The following ZFHX4 variants were observed in gnomAD, a reference collection of about 807,000 sequenced individuals.
The protein encoded by ZFHX4 is zinc finger homeobox 4.
Under a neutral mutation model 267.6 loss-of-function variants are expected in ZFHX4, and 56 were observed. That is an observed-to-expected ratio of 0.21 (90% confidence interval 0.17 to 0.26). ZFHX4 has a LOEUF of 0.26. Ranked by LOEUF, ZFHX4 falls within the 10% of genes least tolerant of loss-of-function variation. The pLI is 1.00. For synonymous variants in ZFHX4, 1,778 were observed against 1,665.6 expected (o/e 1.07, Z -1.64); for missense variants, 4,332 against 4,420.0 (o/e 0.98, Z 0.56).
intron 3 of ZFHX4, among the ~76,000 whole-genome samples, chr8:76,714,475 A>T (rs1057113322): frequency 3.9e-5 from 6 of 152,178 alleles, no homozygotes; most frequent in Admixed American, 6.5e-5. Context: ...TTATCAGCCT[A>T]TTCCAGGAGA....
chr8:76,717,515 C>G (rs752692396), intron 3 of ZFHX4, among the ~76,000 whole-genome samples: 2 of 152,202 alleles, frequency 1.3e-5, no homozygotes, highest in Non-Finnish European at 2.9e-5. Flanking sequence ...ATAGTTGTAG[C>G]TTGGCATAAC....
chr8:76,779,323 T>A (rs1408620243), intron 4 of ZFHX4, among the ~76,000 whole-genome samples: 1 of 152,172 alleles, frequency 6.6e-6, no homozygotes, highest in Non-Finnish European at 1.5e-5. Flanking sequence ...AGGAGACATA[T>A]TTACTCAGTA....
intron 3 of ZFHX4, among the ~76,000 whole-genome samples, chr8:76,753,557 CTT>C (rs907455537): frequency 6.6e-6 from 1 of 150,710 alleles, no homozygotes; most frequent in Non-Finnish European, 1.5e-5. Context: ...CTTTCCATCT[CTT>C]TTGTTTCTCT....
intron 4 of ZFHX4, among the ~76,000 whole-genome samples, chr8:76,820,034 C>T (rs758597146): frequency 5.3e-5 from 8 of 152,124 alleles, no homozygotes; most frequent in Non-Finnish European, 1.2e-4. Flanking sequence ...AGTTTATTCC[C>T]ACGTTACTTA....
intron 4 of ZFHX4, among the ~76,000 whole-genome samples, chr8:76,808,254 T>C (rs1384995386): frequency 6.6e-6 from 1 of 152,184 alleles, no homozygotes; most frequent in Non-Finnish European, 1.5e-5. Context: ...GTGCCATATC[T>C]AAACCACTTG....
At chr8:76,832,935 A>G (rs1014312130) in intron 4 of ZFHX4, among the ~76,000 whole-genome samples, 4 of 152,042 alleles carry the variant, frequency 2.6e-5, no homozygotes, top group African/African-American at 9.7e-5. Flanking sequence ...CAGTAATGAT[A>G]TTTTTTCTTT....
At chr8:76,738,129 G>T (rs913355811) in intron 3 of ZFHX4, among the ~76,000 whole-genome samples, 10 of 152,178 alleles carry the variant, frequency 6.6e-5, no homozygotes, top group African/African-American at 2.4e-4. Context: ...AGTGGCACTT[G>T]AGGTTATTTT....
intron 5 of ZFHX4, among the ~76,000 whole-genome samples, chr8:76,835,064 T>C (rs1432547735): frequency 6.6e-6 from 1 of 150,972 alleles, no homozygotes; most frequent in Non-Finnish European, 1.5e-5. Flanking sequence ...AAATTATAGG[T>C]TTTATACAAA....
intron 3 of ZFHX4, among the ~76,000 whole-genome samples, chr8:76,759,496 C>A (rs978415533): frequency 2.0e-5 from 3 of 152,162 alleles, no homozygotes; most frequent in Non-Finnish European, 2.9e-5. Flanking sequence ...AAATGATCTG[C>A]CCCCAGGCCA....
intron 3 of ZFHX4, among the ~76,000 whole-genome samples, chr8:76,747,926 C>G (rs986431611): frequency 1.4e-5 from 2 of 147,556 alleles, no homozygotes; most frequent in Non-Finnish European, 3.0e-5. Context: ...GAGCGAGGCT[C>G]TATCTCAAAA....
At chr8:76,714,402 A>G (rs1424840898) in intron 3 of ZFHX4, among the ~76,000 whole-genome samples, 1 of 152,116 alleles carries the variant, frequency 6.6e-6, no homozygotes, top group East Asian at 1.9e-4. Context: ...GACTTCCTGA[A>G]CTTTGCTGGA....
Position 76,850,975 on chromosome 8 carries a change from AAAG to A in ZFHX4, c.4057_4059del (p.Glu1353del), listed in dbSNP as rs748739588. 2.5e-5 allele frequency: 40 copies of A among 1,613,744 alleles called. No homozygotes were observed. Among genetic ancestry groups the A allele is most frequent in the Admixed American group, 3.3e-5 (2 of 60,004 alleles). ...AAAGAATGAGGAGCAGAAACCGACT[AAAG>A]AACCCTTGGAAGTCTCAGAATGGAA... On this transcript the variant is annotated inframe_deletion, in exon 10 of 11. Coordinates refer to ENST00000651372, the MANE Select transcript of ZFHX4 (RefSeq NM_024721.5).
In ZFHX4 at chr8:76,866,508, CT is replaced by C. The variant is rs991550298; in HGVS notation, c.*1949del. On this transcript the variant is annotated 3_prime_UTR_variant, in exon 11 of 11. Transcript: ENST00000651372. ...AACATTTATTTTAATCCTGAAGACACTTTTTTGATTGTGTTTCGTAAGAGAC... is the reference window on the plus strand; with the variant it reads ...AACATTTATTTTAATCCTGAAGACACTTTTTGATTGTGTTTCGTAAGAGAC... The C allele has an allele frequency of 1.3e-5, 2 of 150,638 alleles. No individual in the cohort carries two copies. Among genetic ancestry groups the C allele is most frequent in the African/African-American group, 4.9e-5 (2 of 40,802 alleles). 9.3% of individuals were successfully genotyped at this position (150,638 alleles called of 1,614,324 possible). A position where few individuals can be genotyped will look rare whatever the true frequency, so the allele number is the denominator to read the frequency against.
At chr8:76,769,137 A>G (rs1304464766) in intron 3 of ZFHX4, among the ~76,000 whole-genome samples, 2 of 152,060 alleles carry the variant, frequency 1.3e-5, no homozygotes. Context: ...TACTGAAGCT[A>G]AAAGAAGGGA....
chr8:76,856,748 C>G (rs538116879), intron 10 of ZFHX4, among the ~76,000 whole-genome samples: 21 of 152,094 alleles, frequency 1.4e-4, no homozygotes, highest in Admixed American at 1.0e-3. Context: ...GTTTGTCCCC[C>G]CCGCCGCCAC....
chr8:76,847,278 T>C (rs1812387638), intron 6 of ZFHX4, among the ~76,000 whole-genome samples: 1 of 152,166 alleles, frequency 6.6e-6, no homozygotes, highest in Non-Finnish European at 1.5e-5. Context: ...GACAAGGTAA[T>C]AGGAATTATG....
chr8:76,691,444 G>A lies in ZFHX4; in HGVS notation c.-47+9824G>A, dbSNP rs373390197. On this transcript the variant is annotated intron_variant, in intron 1 of 10. Transcript: ENST00000651372. Reference sequence around the variant, plus strand: ...AAGGAAAGGATATGAAGTCAAGGCTGTGATGTTTTGGAGGCAGCATAATGT... The same window carrying A: ...AAGGAAAGGATATGAAGTCAAGGCTATGATGTTTTGGAGGCAGCATAATGT... Among the ~76,000 whole-genome samples, 31 of 152,222 alleles carry A rather than the reference G, an allele frequency of 2.0e-4. No homozygotes were observed. The East Asian group carries it at 2.5e-3, about 12-fold the overall frequency.
intron 3 of ZFHX4, among the ~76,000 whole-genome samples, chr8:76,762,456 T>A (rs1319304166): frequency 1.3e-5 from 2 of 152,178 alleles, no homozygotes; most frequent in Non-Finnish European, 2.9e-5. Context: ...AAGTTCTAAG[T>A]TTAAAGTGAT....
Position 76,855,297 on chromosome 8 carries a change from G to T in ZFHX4, c.8376G>T (p.Gly2792=). The part of the protein sequence containing the change: ...ENLNAPPAEA[G]YDQNKTDFDE... ...TAAATGCCCCTCCTGCTGAGGCTGG[G>T]TATGATCAAAATAAAACCGATTTTG... The change falls in exon 10 of 11, where the codon GGG becomes GGT. Residue 2792 remains glycine (G), a synonymous_variant. Coordinates refer to ENST00000651372, the MANE Select transcript of ZFHX4 (RefSeq NM_024721.5). 6.2e-7 allele frequency: 1 copy of T among 1,613,598 alleles called. No individual in the cohort carries two copies. The highest frequency in any genetic ancestry group is 8.5e-7 in the Non-Finnish European group (1 of 1,179,810).
Sources: gnomAD v4.1 joint callset for allele counts (sites outside exome capture counted in the v4.1 genomes callset) on GRCh38, gnomAD v4.1.1 for gene constraint, MANE v1.5 for transcripts, NCBI Gene and HGNC (gene_info 2026-07-23, HGNC 2026-07-21) for gene names.